Variants in GXYLT2 observed in about 807,000 individuals in gnomAD.
GXYLT2 encodes the protein glycosyltransferase 8 domain containing 4.
In GXYLT2, 53 loss-of-function variants were observed where a neutral mutation model predicts 45.8. That is an observed-to-expected ratio of 1.16 (90% confidence interval 0.93 to 1.46). GXYLT2 has a LOEUF of 1.46. GXYLT2 is among the 40% of genes most tolerant of loss of function. The pLI is 0.00. For synonymous variants in GXYLT2, 219 were observed against 214.2 expected (o/e 1.02, Z -0.19); for missense variants, 551 against 544.4 (o/e 1.01, Z -0.12).
At chr3:72,974,496 G>C (rs548157944) in intron 6 of GXYLT2, among the ~76,000 whole-genome samples, 1 of 152,300 alleles carries the variant, frequency 6.6e-6, no homozygotes. Context: ...TGAGTATCTT[G>C]AGCCTTCCTT....
rs952751685 is a variant in GXYLT2 at position 72,888,094 on chromosome 3, C to T, written c.-140C>T. On this transcript the variant is annotated 5_prime_UTR_variant, in exon 1 of 7. Coordinates refer to ENST00000389617, the MANE Select transcript of GXYLT2 (RefSeq NM_001080393.2). ...CGCCGTCGCCGCCGCCGCCGGCCGC[C>T]CGCCGGCCGCCACGACCCCAGTCCC... 5 of 430,150 alleles carry T rather than the reference C, an allele frequency of 1.2e-5. No individual in the cohort carries two copies. The highest frequency in any genetic ancestry group is 8.8e-5 in the African/African-American group (4 of 45,286). 26.6% of individuals were successfully genotyped at this position (430,150 alleles called of 1,614,324 possible).
At chr3:72,931,120 TG>T (rs1710025537) in intron 3 of GXYLT2, among the ~76,000 whole-genome samples, 1 of 152,248 alleles carries the variant, frequency 6.6e-6, no homozygotes, top group Non-Finnish European at 1.5e-5. Flanking sequence ...ATACAATGTA[TG>T]TTCTCTGACC....
At chr3:72,916,097 G>T (rs1325030959) in intron 2 of GXYLT2, among the ~76,000 whole-genome samples, 1 of 151,418 alleles carries the variant, frequency 6.6e-6, no homozygotes, top group African/African-American at 2.4e-5. Context: ...ATGAAATGTA[G>T]GTGACAGTGA....
chr3:72,961,921 T>C (rs1354071356), intron 5 of GXYLT2, among the ~76,000 whole-genome samples: 1 of 152,158 alleles, frequency 6.6e-6, no homozygotes, highest in East Asian at 1.9e-4. Flanking sequence ...GGCAGAATTC[T>C]GCCTGAGGGA....
At chr3:72,931,107 G>A (rs1036616572) in intron 3 of GXYLT2, among the ~76,000 whole-genome samples, 5 of 152,162 alleles carry the variant, frequency 3.3e-5, no homozygotes, top group African/African-American at 1.2e-4. Context: ...AAGGATTGAA[G>A]TTATACAATG....
At chr3:72,946,276 GAAAAAAAAAAAAAAAAAA>G (rs57450041) in intron 3 of GXYLT2, among the ~76,000 whole-genome samples, 1 of 59,446 alleles carries the variant, frequency 1.7e-5, no homozygotes, top group Non-Finnish European at 3.6e-5. Context: ...GACCCTGTCT[GAAAAAAAAAAAAAAAAAA>G]AAAAAAAAAA....
At chr3:72,893,240 T>C (rs954114409) in intron 1 of GXYLT2, among the ~76,000 whole-genome samples, 1 of 152,180 alleles carries the variant, frequency 6.6e-6, no homozygotes, top group Non-Finnish European at 1.5e-5. Context: ...TTTTCTGGCC[T>C]CCTCTCCTAC....
intron 6 of GXYLT2, among the ~76,000 whole-genome samples, chr3:72,970,359 C>CAATT (rs1389778317): frequency 1.3e-5 from 2 of 150,588 alleles, no homozygotes; most frequent in Non-Finnish European, 3.0e-5. Flanking sequence ...TCAAAAAAAC[C>CAATT]AATTAATTAA....
chr3:72,936,362 C>G (rs535356317), intron 3 of GXYLT2, among the ~76,000 whole-genome samples: 1 of 146,400 alleles, frequency 6.8e-6, no homozygotes, highest in East Asian at 2.0e-4. Flanking sequence ...CTTTAATAAA[C>G]ATAGAAAACT....
intron 3 of GXYLT2, among the ~76,000 whole-genome samples, chr3:72,930,004 TA>T (rs1226380191): frequency 6.6e-6 from 1 of 151,720 alleles, no homozygotes; most frequent in Admixed American, 6.6e-5. Context: ...GTGTCTCTAC[TA>T]AAAATACAAA....
chr3:72,966,344 A>G (rs1169683143), intron 5 of GXYLT2, among the ~76,000 whole-genome samples: 3 of 150,386 alleles, frequency 2.0e-5, no homozygotes, highest in Non-Finnish European at 4.4e-5. Context: ...AATCTGAAGC[A>G]GAATCTTTAC....
At chr3:72,947,214 A>G (rs1710428196) in intron 3 of GXYLT2, among the ~76,000 whole-genome samples, 1 of 152,110 alleles carries the variant, frequency 6.6e-6, no homozygotes, top group Non-Finnish European at 1.5e-5. Flanking sequence ...GCAAAGACAA[A>G]GATAGAAACA....
At chr3:72,955,566 A>G (rs1710624380) in intron 4 of GXYLT2, among the ~76,000 whole-genome samples, 1 of 152,252 alleles carries the variant, frequency 6.6e-6, no homozygotes, top group African/African-American at 2.4e-5. Flanking sequence ...CAAAGTCGCC[A>G]TTCAGGAATA....
chr3:72,917,499 C>G (rs958983240), intron 2 of GXYLT2, among the ~76,000 whole-genome samples: 6 of 152,084 alleles, frequency 3.9e-5, no homozygotes, highest in African/African-American at 1.4e-4. Flanking sequence ...GTCTGTCACT[C>G]CTTTCCTATT....
At chr3:72,974,828 T>G in intron 6 of GXYLT2, 149 bp from the exon 7 acceptor site, 1 of 572,358 alleles carries the variant, frequency 1.7e-6, no homozygotes, top group African/African-American at 1.9e-5. Flanking sequence ...GAGACAGGAT[T>G]TTAAGTTAGA....
At chr3:72,942,772 G>C (rs1195000640) in intron 3 of GXYLT2, among the ~76,000 whole-genome samples, 1 of 151,780 alleles carries the variant, frequency 6.6e-6, no homozygotes, top group Admixed American at 6.6e-5. Flanking sequence ...AAAAAGGAAA[G>C]GCTGAGAAAT....
intron 3 of GXYLT2, among the ~76,000 whole-genome samples, chr3:72,937,232 A>G (rs892688912): frequency 3.3e-5 from 5 of 152,254 alleles, no homozygotes; most frequent in African/African-American, 1.2e-4. Context: ...ATAGAATAGA[A>G]TAAATATGCA....
At chr3:72,929,053 G>T (rs191752439) in intron 3 of GXYLT2, 2 of 1,577,144 alleles carry the variant, frequency 1.3e-6, no homozygotes, top group East Asian at 2.2e-5. Context: ...TGACGACCGC[G>T]TCCACCTCGC....
At chr3:72,946,995 T>C (rs1710424717) in intron 3 of GXYLT2, among the ~76,000 whole-genome samples, 2 of 151,724 alleles carry the variant, frequency 1.3e-5, no homozygotes, top group African/African-American at 4.8e-5. Context: ...AGCTACTTTA[T>C]TACTATTATT....
Sources: gnomAD v4.1 joint callset for allele counts (sites outside exome capture counted in the v4.1 genomes callset) on GRCh38, gnomAD v4.1.1 for gene constraint, MANE v1.5 for transcripts, NCBI Gene and HGNC (gene_info 2026-07-23, HGNC 2026-07-21) for gene names.